The following SEMA5A variants were observed in gnomAD, a reference collection of about 807,000 sequenced individuals.
The protein encoded by SEMA5A is semaphorin-5A.
Under a neutral mutation model 135.5 loss-of-function variants are expected in SEMA5A, and 55 were observed. The observed-to-expected ratio is 0.41, with a 90% CI of 0.33 to 0.51. SEMA5A has a LOEUF of 0.51. Among genes scored for constraint, SEMA5A ranks in the 20% least tolerant of loss-of-function variants. SEMA5A has a pLI of 0.37. For synonymous variants in SEMA5A, 580 were observed against 546.5 expected, an observed-to-expected ratio of 1.06 and a Z score of -0.85; for missense variants, 1,290 against 1,419.9, an observed-to-expected ratio of 0.91 and a Z score of 1.47.
At chr5:9,267,141 G>A (rs1749724198) in intron 5 of SEMA5A, among the ~76,000 whole-genome samples, 1 of 151,474 alleles carries the variant, frequency 6.6e-6, no homozygotes, top group Non-Finnish European at 1.5e-5. Context: ...GCAAACAGCA[G>A]GATGAGGCTC....
chr5:9,195,341 A>AT (rs1234096311), intron 10 of SEMA5A, among the ~76,000 whole-genome samples: 1 of 151,752 alleles, frequency 6.6e-6, no homozygotes, highest in Admixed American at 6.6e-5. Flanking sequence ...AATTTTTTTT[A>AT]TTATTATTTT....
chr5:9,396,330 A>C (rs1327496806), intron 2 of SEMA5A, among the ~76,000 whole-genome samples: 1 of 151,664 alleles, frequency 6.6e-6, no homozygotes, highest in African/African-American at 2.4e-5. Context: ...AGTTGGTTTC[A>C]CCTCTAGGAC....
chr5:9,440,087 A>G (rs1758178482), intron 1 of SEMA5A, among the ~76,000 whole-genome samples: 1 of 152,252 alleles, frequency 6.6e-6, no homozygotes, highest in Admixed American at 6.5e-5. Flanking sequence ...CAACACACCC[A>G]TGTGTGCCTG....
chr5:9,353,046 GAAGGA>G (rs1561176351), intron 3 of SEMA5A, among the ~76,000 whole-genome samples: 4 of 109,400 alleles, frequency 3.7e-5, no homozygotes, highest in Admixed American at 1.2e-4. Context: ...AAAGAAGAAG[GAAGGA>G]AAGGAAAGGA....
At chr5:9,514,760 A>G (rs1352095062) in intron 1 of SEMA5A, among the ~76,000 whole-genome samples, 1 of 152,208 alleles carries the variant, frequency 6.6e-6, no homozygotes, top group Non-Finnish European at 1.5e-5. Flanking sequence ...CTTGGAACCC[A>G]TGGATATGGA....
intron 8 of SEMA5A, among the ~76,000 whole-genome samples, chr5:9,206,488 G>A (rs982699003): frequency 1.3e-5 from 2 of 150,944 alleles, no homozygotes; most frequent in African/African-American, 4.9e-5. Context: ...TTGAGATTTC[G>A]ACCACGCAAA....
intron 5 of SEMA5A, among the ~76,000 whole-genome samples, chr5:9,297,617 T>G (rs2150601149): frequency 6.6e-6 from 1 of 152,252 alleles, no homozygotes; most frequent in South Asian, 2.1e-4. Context: ...TGTAGTGGCA[T>G]GATCTTGGCT....
chr5:9,434,540 A>G (rs1025369973), intron 2 of SEMA5A, among the ~76,000 whole-genome samples: 26 of 152,132 alleles, frequency 1.7e-4, no homozygotes, highest in Non-Finnish European at 3.5e-4. Context: ...AGAGTATGGT[A>G]TATATTAATA....
intron 8 of SEMA5A, among the ~76,000 whole-genome samples, chr5:9,217,887 G>C (rs1746721510): frequency 6.6e-6 from 1 of 152,092 alleles, no homozygotes; most frequent in Non-Finnish European, 1.5e-5. Context: ...TTCAGCTTCT[G>C]TATCACTTTA....
intron 8 of SEMA5A, among the ~76,000 whole-genome samples, chr5:9,208,423 A>G (rs1202234907): frequency 1.3e-5 from 2 of 152,206 alleles, no homozygotes; most frequent in African/African-American, 4.8e-5. Context: ...GTAAACTGAT[A>G]GACACAGCCC....
chr5:9,449,679 T>C (rs1758563707), intron 1 of SEMA5A, among the ~76,000 whole-genome samples: 1 of 152,118 alleles, frequency 6.6e-6, no homozygotes, highest in African/African-American at 2.4e-5. Context: ...AAGTTAGCTT[T>C]AACATCAGTC....
At chr5:9,055,012 A>G (rs564563861) in intron 18 of SEMA5A, among the ~76,000 whole-genome samples, 1 of 152,278 alleles carries the variant, frequency 6.6e-6, no homozygotes, top group East Asian at 1.9e-4. Flanking sequence ...AACCCAGCAC[A>G]TGTCTCTGCC....
intron 2 of SEMA5A, among the ~76,000 whole-genome samples, chr5:9,430,112 A>G (rs1424787874): frequency 1.3e-5 from 2 of 152,178 alleles, no homozygotes; most frequent in African/African-American, 2.4e-5. Context: ...ACGAACAACA[A>G]TAAGATTTGT....
chr5:9,216,606 TTGTG>T (rs59417345), intron 8 of SEMA5A, among the ~76,000 whole-genome samples: 4,444 of 152,260 alleles, frequency 0.029, 226 homozygotes, highest in African/African-American at 0.1. Context: ...CACATTATTA[TTGTG>T]TGTGAGTCCA....
intron 4 of SEMA5A, among the ~76,000 whole-genome samples, chr5:9,327,230 T>A (rs948521283): frequency 6.6e-6 from 1 of 152,202 alleles, no homozygotes; most frequent in African/African-American, 2.4e-5. Context: ...GACAAATTTA[T>A]AATATGGTCA....
chr5:9,201,270 C>T (rs1745688963), intron 9 of SEMA5A, among the ~76,000 whole-genome samples: 2 of 152,098 alleles, frequency 1.3e-5, no homozygotes, highest in South Asian at 4.1e-4. Context: ...ACTCTGGAGA[C>T]ATGTGATACT....
chr5:9,216,102 C>T (rs1746606922), intron 8 of SEMA5A, among the ~76,000 whole-genome samples: 1 of 152,130 alleles, frequency 6.6e-6, no homozygotes, highest in African/African-American at 2.4e-5. Flanking sequence ...TTGAGGTCTT[C>T]CTAACTTTTT....
intron 2 of SEMA5A, among the ~76,000 whole-genome samples, chr5:9,417,666 C>T (rs895732939): frequency 2.6e-5 from 4 of 152,216 alleles, no homozygotes; most frequent in African/African-American, 9.6e-5. Context: ...TGTGCCTTGT[C>T]TTTATCACCA....
At chr5:9,265,241 A>C (rs1309716218) in intron 5 of SEMA5A, among the ~76,000 whole-genome samples, 2 of 152,126 alleles carry the variant, frequency 1.3e-5, no homozygotes, top group Non-Finnish European at 2.9e-5. Context: ...GAGGGTCTCC[A>C]ACGGCCTAAT....
Sources: gnomAD v4.1 joint callset for allele counts (sites outside exome capture counted in the v4.1 genomes callset) on GRCh38, gnomAD v4.1.1 for gene constraint, MANE v1.5 for transcripts, NCBI Gene and HGNC (gene_info 2026-07-23, HGNC 2026-07-21) for gene names.